The following TLCD3A variants were observed in gnomAD, a reference collection of about 807,000 sequenced individuals.
TLCD3A encodes the protein TLC domain containing 3A.
A neutral mutation model predicts 29.9 loss-of-function variants in TLCD3A; 17 were observed. That is an observed-to-expected ratio of 0.57 (90% CI 0.39 to 0.85). The LOEUF (loss-of-function observed/expected upper bound fraction) is 0.85, where lower values mean the gene tolerates loss of function less well. TLCD3A is among the 40% of genes least tolerant of loss of function. The pLI is 0.00. For missense variants in TLCD3A, 332 were observed against 350.8 expected (o/e 0.95, Z 0.43); for synonymous variants, 143 against 147.7 (o/e 0.97, Z 0.23).
In TLCD3A at chr17:732,746, C is replaced by A; in HGVS notation, c.99C>A (p.Thr33=). The change falls in exon 1 of 5, where the codon ACC becomes ACA. Residue 33 remains threonine, a synonymous_variant. Transcript: ENST00000308278. Reference sequence around the variant, plus strand: ...GCTCCCAGCCCGGATGGAGCCGCACCGACTGCGTGATGATCAGCACCAGGT... The same window carrying A: ...GCTCCCAGCCCGGATGGAGCCGCACAGACTGCGTGATGATCAGCACCAGGT... ...LRRSQPGWSR[T]DCVMISTRLV... is the part of the protein sequence containing the mutation. 6.9e-7 allele frequency: 1 copy of A among 1,454,722 alleles called. No individual in the cohort carries two copies. The highest frequency in any genetic ancestry group is 1.3e-5 in the South Asian group (1 of 76,200). The allele number at this position is 1,454,722 out of a possible 1,614,324, so 90.1% of individuals were successfully genotyped here.
intron 3 of TLCD3A, 64 bp downstream of exon 3, chr17:738,111 T>TTTTTTTTC: frequency 7.6e-7 from 1 of 1,310,476 alleles, no homozygotes; most frequent in Non-Finnish European, 1.0e-6. Context: ...TTTTTTTTTT[T>TTTTTTTTC]TTCTGAGACA....
rs1238973966 is a variant in TLCD3A at position 741,555 on chromosome 17, CA to C, written c.764del (p.Lys255ArgfsTer31). 1.2e-6 allele frequency: 2 copies of C among 1,613,266 alleles called. No individual in the cohort carries two copies. The highest frequency in any genetic ancestry group is 2.2e-5 in the East Asian group (1 of 44,884). On this transcript the variant is annotated frameshift_variant, in exon 5 of 5. Transcript: ENST00000308278. LOFTEE classifies it high-confidence loss of function. ...AVRLFDTPQA[K>X]KDG ...TCCGGCTCTTTGACACTCCCCAAGC[CA>C]AAAAGGATGGCTAAATGCTCCTGGG...
At chr17:737,008 GTTTT>G (rs763602389) in intron 2 of TLCD3A, among the ~76,000 whole-genome samples, 36 of 149,092 alleles carry the variant, frequency 2.4e-4, no homozygotes, top group Admixed American at 4.0e-4. Flanking sequence ...TGCTTTTTGG[GTTTT>G]TTTGTTTTTG....
chr17:733,214 G>A (rs1485405261), intron 2 of TLCD3A, 33 bp downstream of exon 2: 1 of 1,502,160 alleles, frequency 6.7e-7, no homozygotes, highest in Admixed American at 2.2e-5. Context: ...TGTTGCAAAT[G>A]TCACATTTCA....
At chr17:738,355 C>G (rs948654648) in intron 3 of TLCD3A, among the ~76,000 whole-genome samples, 10 of 152,064 alleles carry the variant, frequency 6.6e-5, no homozygotes, top group African/African-American at 2.4e-4. Flanking sequence ...CTCGGCCTCC[C>G]AAAGTTCTGG....
At chr17:735,831 C>T (rs377309812) in intron 2 of TLCD3A, among the ~76,000 whole-genome samples, 6 of 151,644 alleles carry the variant, frequency 4.0e-5, no homozygotes, top group East Asian at 1.9e-4. Context: ...AGAAAATAGC[C>T]GGACGTGGCG....
At chr17:741,242 C>A in intron 4 of TLCD3A, 59 bp from the exon 5 acceptor site, 1 of 1,582,604 alleles carries the variant, frequency 6.3e-7, no homozygotes, top group South Asian at 1.1e-5. Flanking sequence ...TTGGGCCCGT[C>A]GCTCCCTGAT....
chr17:733,001 C>T (rs1477623665), intron 1 of TLCD3A, 97 bp from the exon 2 acceptor site: 7 of 1,455,796 alleles, frequency 4.8e-6, no homozygotes, highest in Middle Eastern at 2.1e-4. Flanking sequence ...CCACATCTGC[C>T]TGCGGCTGGG....
At position 742,907 on chromosome 17, in the gene TLCD3A, TA is replaced by T. The variant is rs1194997556; in HGVS notation, c.*1339del. ...CTATTTTTTAATTGTCTTTTTTTTT[TA>T]ACTATCAGTGTATCTTTAAAAGTCA... On this transcript the variant is annotated 3_prime_UTR_variant, in exon 5 of 5. Transcript: ENST00000308278. The T allele has an allele frequency of 6.6e-6, 1 of 152,332 alleles. No individual in the cohort carries two copies. The highest frequency in any genetic ancestry group is 1.5e-5 in the Non-Finnish European group (1 of 68,028). The allele number at this position is 152,332 out of a possible 1,614,324, so 9.4% of individuals were successfully genotyped here.
chr17:734,182 C>T (rs1005909921), intron 2 of TLCD3A, among the ~76,000 whole-genome samples: 7 of 129,216 alleles, frequency 5.4e-5, no homozygotes, highest in African/African-American at 1.8e-4. Flanking sequence ...TTTTCTTCTT[C>T]TTCTTCTTCT....
intron 3 of TLCD3A, among the ~76,000 whole-genome samples, chr17:739,488 C>T (rs542236532): frequency 2.6e-5 from 4 of 152,258 alleles, no homozygotes; most frequent in South Asian, 2.1e-4. Context: ...TGCTCTTGGC[C>T]GGCATGTAGT....
At position 736,340 on chromosome 17, in the gene TLCD3A, T is replaced by C. The variant is rs1891939132; in HGVS notation, c.207-1506T>C. 2.0e-5 allele frequency among the ~76,000 whole-genome samples: 3 copies of C among 152,334 alleles called. No homozygotes were observed. The South Asian group carries it at 6.2e-4, about 32-fold the overall frequency. On this transcript the variant is annotated intron_variant, in intron 2 of 4. Transcript: ENST00000308278. ...AATGGTTTTCTACCTAATACGTGGATGCGCATCAAACGTTTGCTGACCATG... is the reference window on the plus strand; with the variant it reads ...AATGGTTTTCTACCTAATACGTGGACGCGCATCAAACGTTTGCTGACCATG...
chr17:739,460 A>G (rs1974215036), intron 3 of TLCD3A, among the ~76,000 whole-genome samples: 1 of 152,184 alleles, frequency 6.6e-6, no homozygotes, highest in African/African-American at 2.4e-5. Context: ...AAGTGCTGGG[A>G]TTACAGGCGT....
chr17:732,876 G>A (rs2657622), intron 1 of TLCD3A, 107 bp downstream of exon 1: 56,853 of 1,379,084 alleles, frequency 0.041, 2,522 homozygotes, highest in East Asian at 0.27. Flanking sequence ...AAGCCCGGGG[G>A]CTGCTCCCTC....
At chr17:734,782 G>T (rs1974129541) in intron 2 of TLCD3A, among the ~76,000 whole-genome samples, 1 of 152,142 alleles carries the variant, frequency 6.6e-6, no homozygotes, top group Non-Finnish European at 1.5e-5. Context: ...GATTCTTAAA[G>T]GATTCAGACA....
rs1258534982 is a variant in TLCD3A at position 738,013 on chromosome 17, C to T, written c.374C>T (p.Ala125Val). The T allele has an allele frequency of 3.8e-6, 6 of 1,583,158 alleles. No homozygotes were observed. The highest frequency in any genetic ancestry group is 1.7e-4 in the Middle Eastern group (1 of 5,884). ...AACCGCCTCATGATCACACATCATG[C>T]GGTCATTCTCTTTGTCCTTGTGCCA... ...SRNRLMITHH[A>V]VILFVLVPVA... Residue 125 changes from alanine (A) to valine (V), a missense_variant, in exon 3 of 5, where the codon GCG becomes GTG. By Grantham distance (64) the Ala-to-Val change is moderately conservative (BLOSUM62 0). Transcript: ENST00000308278.
At chr17:733,364 G>A (rs1974106559) in intron 2 of TLCD3A, among the ~76,000 whole-genome samples, 183 bp downstream of exon 2, 1 of 152,254 alleles carries the variant, frequency 6.6e-6, no homozygotes, top group Non-Finnish European at 1.5e-5. Context: ...ACGGAAATGA[G>A]GGAGGACGAC....
In TLCD3A at chr17:740,588, G is replaced by C. The variant is rs1189420420; in HGVS notation, c.492G>C (p.Arg164Ser). 1.2e-6 allele frequency: 2 copies of C among 1,613,892 alleles called. No individual in the cohort carries two copies. The highest frequency in any genetic ancestry group is 1.7e-4 in the Middle Eastern group (1 of 6,020). ...GCACTCCGTTTGTGTCGCTGGGCAG[G>C]GTTCTGATTCAGGCATGTATGAATG... is the stretch of plus-strand genomic sequence containing the variant. ...ELSTPFVSLGRVLIQLKQQHT... is the reference protein window; with the variant it reads ...ELSTPFVSLGSVLIQLKQQHT... Residue 164 changes from arginine to serine, a missense_variant, in exon 4 of 5, where the codon AGG becomes AGC. Coordinates refer to ENST00000308278, the MANE Select transcript of TLCD3A (RefSeq NM_024792.3).
At chr17:735,860 A>G (rs1567769658) in intron 2 of TLCD3A, among the ~76,000 whole-genome samples, 1 of 151,854 alleles carries the variant, frequency 6.6e-6, no homozygotes, top group Non-Finnish European at 1.5e-5. Context: ...CTGTAATCCC[A>G]GCTACTCGGG....
Sources: allele counts gnomAD v4.1 joint callset (sites outside exome capture counted in the v4.1 genomes callset), GRCh38; gene constraint gnomAD v4.1.1; transcripts MANE v1.5; gene names NCBI Gene and HGNC (gene_info 2026-07-23, HGNC 2026-07-21).